The following EPB41L3 variants were observed in gnomAD, a reference collection of about 807,000 sequenced individuals.
EPB41L3 encodes band 4.1-like protein 3.
In EPB41L3, 57 loss-of-function variants were observed where a neutral mutation model predicts 127.1. The ratio of observed to expected loss-of-function variants is 0.45; its 90% CI spans 0.36 to 0.56. EPB41L3 has a LOEUF of 0.56. Among genes scored for constraint, EPB41L3 ranks in the 20% least tolerant of loss-of-function variants. EPB41L3 has a pLI of 0.00. For synonymous variants in EPB41L3, 572 were observed against 549.5 expected (o/e 1.04, Z -0.57); for missense variants, 1,273 against 1,372.2 (o/e 0.93, Z 1.14).
chr18:5,540,763 T>A (rs1017650888), intron 1 of EPB41L3, among the ~76,000 whole-genome samples: 5 of 152,082 alleles, frequency 3.3e-5, no homozygotes, highest in Admixed American at 3.3e-4. Flanking sequence ...ACTATGGGAA[T>A]TAAAGACGGC....
chr18:5,514,772 CAT>C (rs2092686687), intron 1 of EPB41L3, among the ~76,000 whole-genome samples: 1 of 152,104 alleles, frequency 6.6e-6, no homozygotes, highest in Non-Finnish European at 1.5e-5. Context: ...TTTCTCACTC[CAT>C]ATGTTTCTGA....
intron 1 of EPB41L3, among the ~76,000 whole-genome samples, chr18:5,496,079 T>C (rs2148425395): frequency 1.3e-5 from 2 of 152,342 alleles, no homozygotes; most frequent in Non-Finnish European, 2.9e-5. Flanking sequence ...AGCAATACTT[T>C]ACACAGATAA....
chr18:5,501,345 A>G (rs1008777958), intron 1 of EPB41L3, among the ~76,000 whole-genome samples: 3 of 152,220 alleles, frequency 2.0e-5, no homozygotes, highest in Non-Finnish European at 4.4e-5. Context: ...GTCCTAAGTC[A>G]CAAGTCTACA....
At chr18:5,564,041 G>A (rs1264653505) in intron 3 of EPB41L3, among the ~76,000 whole-genome samples, 32 of 152,138 alleles carry the variant, frequency 2.1e-4, no homozygotes, top group Non-Finnish European at 1.5e-5. Context: ...CGAAAAGAGA[G>A]ACAGCAGATC....
intron 1 of EPB41L3, among the ~76,000 whole-genome samples, chr18:5,504,820 T>TC (rs938921418): frequency 2.0e-5 from 3 of 152,128 alleles, no homozygotes; most frequent in Non-Finnish European, 2.9e-5. Flanking sequence ...AGCCTCATCT[T>TC]CATCCTCACC....
chr18:5,474,344 C>T (rs1568335623), intron 3 of EPB41L3, among the ~76,000 whole-genome samples: 1 of 152,086 alleles, frequency 6.6e-6, no homozygotes, highest in Non-Finnish European at 1.5e-5. Context: ...ATAGAAACAT[C>T]GGTGGGGAGA....
chr18:5,532,566 T>C (rs1719977), intron 1 of EPB41L3, among the ~76,000 whole-genome samples: 38,840 of 152,126 alleles, frequency 0.26, 5,347 homozygotes, highest in African/African-American at 0.35. Flanking sequence ...TTCAAAGACA[T>C]GCGTTTGACA....
intron 4 of EPB41L3, 145 bp downstream of exon 4, chr18:5,444,995 T>C (rs908124348): frequency 3.2e-5 from 19 of 586,028 alleles, no homozygotes; most frequent in Non-Finnish European, 5.5e-5. Flanking sequence ...AATAGATGAT[T>C]AACAGCATTT....
chr18:5,433,773 G>A, intron 7 of EPB41L3, 130 bp downstream of exon 7: 1 of 1,068,796 alleles, frequency 9.4e-7, no homozygotes, highest in South Asian at 1.4e-5. Flanking sequence ...GAATTTTACT[G>A]TGCATGGACC....
intron 3 of EPB41L3, among the ~76,000 whole-genome samples, chr18:5,603,991 C>T (rs753086209): frequency 6.6e-6 from 1 of 151,866 alleles, no homozygotes; most frequent in Non-Finnish European, 1.5e-5. Context: ...TTTGATATCT[C>T]CTTCCAGAAG....
rs185618440 is a variant in EPB41L3, at chr18:5,569,883, T to A, written c.-306+42457A>T. 2.5e-4 allele frequency among the ~76,000 whole-genome samples: 38 copies of A among 152,362 alleles called. 1 individual carries two copies. In the East Asian group the frequency reaches 6.9e-3, roughly 28 times the overall value. On this transcript the variant is annotated intron_variant, in intron 3 of 21. Transcript: ENST00000545076. ...GCTTGGAGCTGAATGCATACTCCTTTCAAATGTGTAGTCAATGCTGTTTTC... is the reference window on the plus strand; with the variant it reads ...GCTTGGAGCTGAATGCATACTCCTTACAAATGTGTAGTCAATGCTGTTTTC...
chr18:5,574,131 C>G (rs992532478), intron 3 of EPB41L3, among the ~76,000 whole-genome samples: 4 of 152,078 alleles, frequency 2.6e-5, no homozygotes, highest in Admixed American at 6.6e-5. Flanking sequence ...ACAGCTAATA[C>G]AAAGTCAAAA....
chr18:5,473,351 G>T (rs557300490), intron 3 of EPB41L3, among the ~76,000 whole-genome samples: 1 of 152,000 alleles, frequency 6.6e-6, no homozygotes, highest in East Asian at 1.9e-4. Context: ...TTAGAGTAAT[G>T]TTCTGGACAC....
chr18:5,510,030 AG>A (rs2092434062), intron 1 of EPB41L3, among the ~76,000 whole-genome samples: 2 of 152,238 alleles, frequency 1.3e-5, no homozygotes, highest in Admixed American at 6.5e-5. Flanking sequence ...CTGGTATTGC[AG>A]AATTAGTTTA....
intron 12 of EPB41L3, among the ~76,000 whole-genome samples, chr18:5,417,477 C>T (rs953311685): frequency 2.0e-5 from 3 of 152,162 alleles, no homozygotes; most frequent in Non-Finnish European, 1.5e-5. Context: ...GGTACAGCAG[C>T]TGCTGCAGGC....
intron 3 of EPB41L3, among the ~76,000 whole-genome samples, chr18:5,468,164 T>C (rs931829832): frequency 3.9e-5 from 6 of 152,042 alleles, no homozygotes; most frequent in Admixed American, 1.3e-4. Flanking sequence ...CCAACAAGCA[T>C]GGGAAGGAGG....
At chr18:5,561,025 T>TGC (rs1275361814) in intron 3 of EPB41L3, among the ~76,000 whole-genome samples, 2,405 of 129,250 alleles carry the variant, frequency 0.019, 137 homozygotes, top group African/African-American at 0.057. Flanking sequence ...TCGCCCAGGC[T>TGC]GGAGTGCAGT....
chr18:5,599,658 T>A (rs898092129), intron 3 of EPB41L3, among the ~76,000 whole-genome samples: 1 of 152,170 alleles, frequency 6.6e-6, no homozygotes. Context: ...TTGCTCTATC[T>A]CTTGCTCCTG....
At chr18:5,463,824 C>A (rs1314795423) in intron 3 of EPB41L3, 2 of 152,328 alleles carry the variant, frequency 1.3e-5, no homozygotes, top group East Asian at 3.8e-4. Context: ...GACTCCTGGC[C>A]TATGCAAAAC....
Sources: allele counts gnomAD v4.1 joint callset (sites outside exome capture counted in the v4.1 genomes callset), GRCh38; gene constraint gnomAD v4.1.1; transcripts MANE v1.5; gene names NCBI Gene and HGNC (gene_info 2026-07-23, HGNC 2026-07-21).